The following SYT14 variants were observed in gnomAD, a reference collection of about 807,000 sequenced individuals.
SYT14 encodes the protein synaptotagmin-14.
In SYT14, 32 loss-of-function variants were observed where a neutral mutation model predicts 74.2. The ratio of observed to expected loss-of-function variants is 0.43; its 90% confidence interval spans 0.33 to 0.58. The LOEUF (loss-of-function observed/expected upper bound fraction) is 0.58, where lower values mean the gene tolerates loss of function less well. Among genes scored for constraint, SYT14 ranks in the 20% least tolerant of loss-of-function variants. The pLI is 0.05. For synonymous variants in SYT14, 298 were observed against 337.7 expected (o/e 0.88, Z 1.29); for missense variants, 791 against 981.8 (o/e 0.81, Z 2.60).
At chr1:210,040,543 T>A (rs1420746124) in intron 5 of SYT14, among the ~76,000 whole-genome samples, 1 of 152,074 alleles carries the variant, frequency 6.6e-6, no homozygotes, top group Non-Finnish European at 1.5e-5. Flanking sequence ...CAAAGTGATA[T>A]TAGCTCTACA....
At chr1:210,124,886 G>A (rs748050865) in intron 7 of SYT14, among the ~76,000 whole-genome samples, 10 of 149,188 alleles carry the variant, frequency 6.7e-5, no homozygotes, top group Non-Finnish European at 1.2e-4. Context: ...TTTTTTTCCT[G>A]TACTTCAAGA....
chr1:210,141,063 AAG>A (rs1444013564), intron 7 of SYT14, among the ~76,000 whole-genome samples: 3 of 149,146 alleles, frequency 2.0e-5, no homozygotes, highest in African/African-American at 7.7e-5. Context: ...AAAAAAAAAA[AAG>A]AAGGCCATAG....
At chr1:209,988,070 G>A (rs778564817) in intron 2 of SYT14, among the ~76,000 whole-genome samples, 1 of 151,846 alleles carries the variant, frequency 6.6e-6, no homozygotes, top group Non-Finnish European at 1.5e-5. Context: ...CATCTCTTTT[G>A]TGGGGACTTC....
intron 5 of SYT14, among the ~76,000 whole-genome samples, chr1:210,027,925 C>G (rs947074020): frequency 2.3e-4 from 35 of 152,126 alleles, no homozygotes; most frequent in Admixed American, 8.5e-4. Context: ...CAAAACATCA[C>G]TTTAATAATG....
intron 5 of SYT14, among the ~76,000 whole-genome samples, chr1:210,078,955 G>C (rs772373889): frequency 2.0e-5 from 3 of 151,380 alleles, no homozygotes; most frequent in Non-Finnish European, 4.4e-5. Flanking sequence ...AGTTTTCACC[G>C]TGTTTCCCAG....
chr1:210,029,434 A>C (rs756318754), intron 5 of SYT14, among the ~76,000 whole-genome samples: 1 of 152,076 alleles, frequency 6.6e-6, no homozygotes, highest in Non-Finnish European at 1.5e-5. Context: ...ATTTTGAGTT[A>C]ATTTTTATAT....
intron 5 of SYT14, among the ~76,000 whole-genome samples, chr1:210,074,581 C>T (rs1465004352): frequency 6.6e-6 from 1 of 152,194 alleles, no homozygotes; most frequent in Non-Finnish European, 1.5e-5. Context: ...TTAGGATGTT[C>T]TCAGGTGACT....
intron 5 of SYT14, among the ~76,000 whole-genome samples, chr1:210,030,757 A>T (rs2080513639): frequency 6.6e-6 from 1 of 152,016 alleles, no homozygotes; most frequent in African/African-American, 2.4e-5. Flanking sequence ...TGTTGTTGGG[A>T]TTCATGCATG....
chr1:210,010,731 A>G (rs2080071331), intron 2 of SYT14, among the ~76,000 whole-genome samples: 1 of 152,208 alleles, frequency 6.6e-6, no homozygotes, highest in Non-Finnish European at 1.5e-5. Context: ...GAGGCAAGGG[A>G]TAGAAAGAGG....
chr1:210,167,674 CTG>C (rs1187129080), exon 10 of SYT14: 2 of 152,088 alleles, frequency 1.3e-5, no homozygotes, highest in Admixed American at 1.3e-4. Context: ...TGATGTATCA[CTG>C]TGTTTGATTT....
intron 7 of SYT14, among the ~76,000 whole-genome samples, chr1:210,146,453 A>G (rs1451751182): frequency 1.1e-5 from 1 of 88,532 alleles, no homozygotes. Flanking sequence ...AAAACTGTTA[A>G]ACAAAATGTA....
At chr1:209,999,540 G>A (rs2079856174) in intron 2 of SYT14, among the ~76,000 whole-genome samples, 1 of 149,950 alleles carries the variant, frequency 6.7e-6, no homozygotes, top group Non-Finnish European at 1.5e-5. Context: ...AGAAAATGTG[G>A]TAAATTTACA....
intron 5 of SYT14, among the ~76,000 whole-genome samples, chr1:210,034,639 A>G (rs979989127): frequency 4.6e-5 from 7 of 151,568 alleles, no homozygotes; most frequent in African/African-American, 1.2e-4. Flanking sequence ...TCCACTCTCT[A>G]TGTCCAATTT....
At chr1:210,034,453 A>G (rs2080611470) in intron 5 of SYT14, among the ~76,000 whole-genome samples, 1 of 151,634 alleles carries the variant, frequency 6.6e-6, no homozygotes. Flanking sequence ...ATATATTTTT[A>G]AATAGATGTA....
chr1:210,066,206 T>C (rs2081293212), intron 5 of SYT14, among the ~76,000 whole-genome samples: 1 of 152,122 alleles, frequency 6.6e-6, no homozygotes, highest in African/African-American at 2.4e-5. Context: ...TGTGTCTTTA[T>C]AGCAGCATGA....
intron 5 of SYT14, among the ~76,000 whole-genome samples, chr1:210,088,088 C>A (rs1204280389): frequency 6.6e-6 from 1 of 151,162 alleles, no homozygotes; most frequent in Non-Finnish European, 1.5e-5. Flanking sequence ...TATTTTGATG[C>A]TTTCTGTTAT....
chr1:210,158,211 T>A (rs1160059642), intron 8 of SYT14, among the ~76,000 whole-genome samples: 1 of 152,222 alleles, frequency 6.6e-6, no homozygotes, highest in Non-Finnish European at 1.5e-5. Flanking sequence ...CTTGATCATC[T>A]TCATTAGTAT....
At chr1:210,104,276 G>C (rs1000618582) in intron 7 of SYT14, among the ~76,000 whole-genome samples, 15 of 152,352 alleles carry the variant, frequency 9.8e-5, no homozygotes, top group African/African-American at 3.4e-4. Flanking sequence ...GACCAATTCT[G>C]TAGTATGGTT....
chr1:210,027,416 A>C (rs532633772), intron 5 of SYT14, among the ~76,000 whole-genome samples: 26 of 111,514 alleles, frequency 2.3e-4, no homozygotes, highest in East Asian at 1.7e-3. Flanking sequence ...CCCTGTTCCC[A>C]AAAAAAAAAA....
Sources: gnomAD v4.1 joint callset for allele counts (sites outside exome capture counted in the v4.1 genomes callset) on GRCh38, gnomAD v4.1.1 for gene constraint, MANE v1.5 for transcripts, NCBI Gene and HGNC (gene_info 2026-07-23, HGNC 2026-07-21) for gene names.